The following NPAS3 variants were observed in gnomAD, a reference collection of about 807,000 sequenced individuals.
NPAS3 encodes the protein neuronal PAS domain-containing protein 3.
In NPAS3, 14 loss-of-function variants were observed where a neutral mutation model predicts 73.1. That is an observed-to-expected ratio of 0.19 (90% CI 0.13 to 0.30). The LOEUF (loss-of-function observed/expected upper bound fraction) is 0.30, where lower values mean the gene tolerates loss of function less well. Ranked by LOEUF, NPAS3 falls within the 10% of genes least tolerant of loss-of-function variation. The pLI is 1.00. For synonymous variants in NPAS3, 620 were observed against 541.5 expected, an observed-to-expected ratio of 1.14 and a Z score of -2.01; for missense variants, 1,096 against 1,250.0, an observed-to-expected ratio of 0.88 and a Z score of 1.86.
At chr14:33,238,488 A>G (rs2048113736) in intron 3 of NPAS3, among the ~76,000 whole-genome samples, 1 of 152,026 alleles carries the variant, frequency 6.6e-6, no homozygotes, top group Admixed American at 6.6e-5. Flanking sequence ...TGGATCAGGA[A>G]GATGAATCAT....
intron 2 of NPAS3, among the ~76,000 whole-genome samples, chr14:33,066,326 T>C (rs540941158): frequency 6.6e-6 from 1 of 152,224 alleles, no homozygotes; most frequent in African/African-American, 2.4e-5. Context: ...TGAACTCTTG[T>C]AAAATTCATG....
chr14:33,467,511 A>C (rs1004040802), intron 4 of NPAS3, among the ~76,000 whole-genome samples: 1 of 152,224 alleles, frequency 6.6e-6, no homozygotes, highest in Non-Finnish European at 1.5e-5. Flanking sequence ...CACTTTAGAC[A>C]TGAAGTTCTA....
At chr14:32,940,779 G>A (rs1003981200) in intron 1 of NPAS3, among the ~76,000 whole-genome samples, 25 of 152,184 alleles carry the variant, frequency 1.6e-4, no homozygotes, top group African/African-American at 6.0e-4. Context: ...TCATTTAAAA[G>A]GCTTCTATTG....
At chr14:33,074,742 C>G (rs2041602869) in intron 2 of NPAS3, among the ~76,000 whole-genome samples, 1 of 152,110 alleles carries the variant, frequency 6.6e-6, no homozygotes, top group Admixed American at 6.6e-5. Flanking sequence ...AAGGCAGATC[C>G]CATCGCTACA....
In NPAS3 at chr14:33,167,889, C is replaced by T. The variant is rs1232407712; in HGVS notation, c.141-47293C>T. ...TACTTTACAATAACGAAAATCCTTGCTTAGAAGTGAATGAGGCAGCTTTAG... is the reference window on the plus strand; with the variant it reads ...TACTTTACAATAACGAAAATCCTTGTTTAGAAGTGAATGAGGCAGCTTTAG... On this transcript the variant is annotated intron_variant, in intron 2 of 11. Coordinates refer to ENST00000356141, the Ensembl canonical transcript of NPAS3. 2.0e-5 allele frequency among the ~76,000 whole-genome samples: 3 copies of T among 152,284 alleles called. No individual in the cohort carries two copies. In the East Asian group the frequency reaches 5.8e-4, roughly 29 times the overall value.
intron 4 of NPAS3, among the ~76,000 whole-genome samples, chr14:33,402,574 G>A (rs943432971): frequency 2.0e-5 from 3 of 152,052 alleles, no homozygotes; most frequent in Non-Finnish European, 4.4e-5. Context: ...CATCCTCTGT[G>A]GTGCCTCCAC....
chr14:33,506,844 T>G (rs1307903460), intron 4 of NPAS3, among the ~76,000 whole-genome samples: 1 of 152,052 alleles, frequency 6.6e-6, no homozygotes, highest in African/African-American at 2.4e-5. Flanking sequence ...AATTTGTATG[T>G]TTTCTATTTA....
At chr14:33,510,397 C>A (rs1305218034) in intron 4 of NPAS3, among the ~76,000 whole-genome samples, 1 of 151,974 alleles carries the variant, frequency 6.6e-6, no homozygotes, top group African/African-American at 2.4e-5. Context: ...AGTTCAGTAG[C>A]CAAAAGTTCC....
chr14:33,454,001 C>CT (rs2049916684), intron 4 of NPAS3, among the ~76,000 whole-genome samples: 1 of 152,110 alleles, frequency 6.6e-6, no homozygotes, highest in Non-Finnish European at 1.5e-5. Flanking sequence ...TTTTTGTTTC[C>CT]TTTTTTAAAT....
At chr14:33,543,759 C>G (rs1316820397) in intron 4 of NPAS3, among the ~76,000 whole-genome samples, 1 of 152,004 alleles carries the variant, frequency 6.6e-6, no homozygotes, top group Non-Finnish European at 1.5e-5. Context: ...TCATTCTGCT[C>G]TATGTCTCAG....
upstream of NPAS3, among the ~76,000 whole-genome samples, chr14:32,938,045 G>A (rs1255681534): frequency 1.3e-5 from 2 of 152,144 alleles, no homozygotes; most frequent in Non-Finnish European, 2.9e-5. Context: ...CCAAGTCCCG[G>A]GACCCGAGTC....
intron 1 of NPAS3, among the ~76,000 whole-genome samples, chr14:33,024,312 C>T (rs1321833943): frequency 1.3e-5 from 2 of 151,894 alleles, no homozygotes; most frequent in Non-Finnish European, 2.9e-5. Flanking sequence ...GCTGGGATTA[C>T]AGGCGCCCAC....
intron 4 of NPAS3, among the ~76,000 whole-genome samples, chr14:33,531,505 A>G (rs2054042474): frequency 6.6e-6 from 1 of 152,118 alleles, no homozygotes; most frequent in African/African-American, 2.4e-5. Context: ...CTTGAGACTC[A>G]TATCGGTAAT....
intron 7 of NPAS3, among the ~76,000 whole-genome samples, chr14:33,761,368 G>A (rs1482287282): frequency 6.6e-6 from 1 of 152,164 alleles, no homozygotes; most frequent in African/African-American, 2.4e-5. Context: ...GTGGAAGTCT[G>A]CATATGAGCA....
intron 4 of NPAS3, among the ~76,000 whole-genome samples, chr14:33,372,726 C>T (rs1047221877): frequency 1.3e-5 from 2 of 152,182 alleles, no homozygotes; most frequent in African/African-American, 4.8e-5. Flanking sequence ...CCCTAGTGGG[C>T]CTGAATCAAG....
At chr14:33,600,390 T>C (rs1436158167) in intron 5 of NPAS3, among the ~76,000 whole-genome samples, 3 of 152,198 alleles carry the variant, frequency 2.0e-5, no homozygotes, top group Non-Finnish European at 2.9e-5. Flanking sequence ...CTGTGCTGGA[T>C]TTTTGTAGAT....
At chr14:33,179,662 A>G (rs1161512505) in intron 2 of NPAS3, among the ~76,000 whole-genome samples, 1 of 152,184 alleles carries the variant, frequency 6.6e-6, no homozygotes, top group Non-Finnish European at 1.5e-5. Flanking sequence ...ACAACACTGC[A>G]AAGGAGGAAT....
rs114140704 is a variant in NPAS3, at chr14:33,477,523, A to C, written c.469-82598A>C. Among the ~76,000 whole-genome samples, 316 of 152,218 alleles carry C rather than the reference A, an allele frequency of 2.1e-3. 1 individual carries two copies. The highest frequency in any genetic ancestry group is 7.3e-3 in the African/African-American group (304 of 41,554). ...GCTCATTCACAGAACATACGTACTC[A>C]TGCACTCATAGCACACATACACACA... On this transcript the variant is annotated intron_variant, in intron 4 of 11. Coordinates refer to ENST00000356141, the Ensembl canonical transcript of NPAS3.
At chr14:33,030,677 A>G (rs1042255314) in intron 1 of NPAS3, among the ~76,000 whole-genome samples, 2 of 152,188 alleles carry the variant, frequency 1.3e-5, no homozygotes, top group African/African-American at 2.4e-5. Flanking sequence ...CAGCTGCTTA[A>G]TACACTGTAG....
Sources: allele counts gnomAD v4.1 joint callset (sites outside exome capture counted in the v4.1 genomes callset), GRCh38; gene constraint gnomAD v4.1.1; transcripts MANE v1.5; gene names NCBI Gene and HGNC (gene_info 2026-07-23, HGNC 2026-07-21).